MICAL3: variants seen among roughly 807,000 people sequenced by gnomAD.
MICAL3 encodes the protein [F-actin]-monooxygenase MICAL3.
MICAL3 carries 62 observed loss-of-function variants against 207.4 expected under a neutral mutation model. The observed-to-expected ratio is 0.30, with a 90% CI of 0.24 to 0.37. MICAL3 has a LOEUF of 0.37. Among genes scored for constraint, MICAL3 ranks in the 10% least tolerant of loss-of-function variants. The pLI, the probability that MICAL3 is intolerant of heterozygous loss-of-function variation, is 1.00. For missense variants in MICAL3, 2,368 were observed against 2,635.6 expected, an observed-to-expected ratio of 0.90 and a Z score of 2.22; for synonymous variants, 1,077 against 1,069.3, an observed-to-expected ratio of 1.01 and a Z score of -0.14.
chr22:17,862,624 A>T (rs868105066), intron 19 of MICAL3: 2 of 985,284 alleles, frequency 2.0e-6, no homozygotes, highest in African/African-American at 3.5e-5. Context: ...CTTCAGTTTC[A>T]TATTTAAAGA....
chr22:17,938,834 A>G (rs555196846), intron 1 of MICAL3, among the ~76,000 whole-genome samples: 24 of 151,560 alleles, frequency 1.6e-4, no homozygotes, highest in South Asian at 4.2e-4. Flanking sequence ...GTGAAGGTGA[A>G]GCACACATCT....
chr22:17,950,896 C>A (rs1036005749), intron 1 of MICAL3, among the ~76,000 whole-genome samples: 2 of 152,220 alleles, frequency 1.3e-5, no homozygotes, highest in Non-Finnish European at 2.9e-5. Context: ...AGCCTCTCGC[C>A]AAAGAATGCT....
intron 16 of MICAL3, chr22:17,879,347 C>G: frequency 1.9e-6 from 3 of 1,609,430 alleles, no homozygotes; most frequent in Non-Finnish European, 2.5e-6. Context: ...CTCTTTTACC[C>G]TCTCATGGTG....
rs1928758132 is a variant in MICAL3 at position 17,877,279 on chromosome 22, G to GGGAGGTTATGGAGGTTAGGGAGGTTAT, written c.2242-5283_2242-5257dup. ...GAGGTTAGGGAAGTTATGGAGGTTA[G>GGGAGGTTATGGAGGTTAGGGAGGTTAT]GGAGGTTATGGAGGTTAGGGAGGTT... On this transcript the variant is annotated intron_variant, in intron 16 of 31. Coordinates refer to ENST00000441493, the MANE Select transcript of MICAL3 (RefSeq NM_015241.3). Among the ~76,000 whole-genome samples, 2 of 65,334 alleles carry GGGAGGTTATGGAGGTTAGGGAGGTTAT rather than the reference G, an allele frequency of 3.1e-5. 1 individual carries two copies. The highest frequency in any genetic ancestry group is 5.7e-5 in the Non-Finnish European group (2 of 35,196). The allele number at this position is 65,334 out of a possible 152,430, so 42.9% of individuals were successfully genotyped here.
At chr22:17,931,629 T>A (rs1427564483) in intron 1 of MICAL3, among the ~76,000 whole-genome samples, 1 of 152,194 alleles carries the variant, frequency 6.6e-6, no homozygotes, top group Non-Finnish European at 1.5e-5. Flanking sequence ...GAATTCAATG[T>A]GCACCCTGAA....
chr22:17,866,789 C>T (rs1435631039), intron 17 of MICAL3, among the ~76,000 whole-genome samples: 1 of 152,286 alleles, frequency 6.6e-6, no homozygotes, highest in East Asian at 1.9e-4. Flanking sequence ...TGGGGGGTGT[C>T]GTCAGAAAAA....
intron 1 of MICAL3, among the ~76,000 whole-genome samples, chr22:17,945,280 C>T (rs531237898): frequency 2.6e-5 from 4 of 152,244 alleles, no homozygotes; most frequent in African/African-American, 4.8e-5. Flanking sequence ...GACTGCCAGC[C>T]GAGGGCCTGC....
In MICAL3 at chr22:17,842,139, C is replaced by CA. The variant is rs1602028853; in HGVS notation, c.2606-123dup. The CA allele has an allele frequency of 4.2e-6, 4 of 950,568 alleles. No homozygotes were observed. The East Asian group carries it at 7.9e-5, about 19-fold the overall frequency. The allele number at this position is 950,568 out of a possible 1,614,324, so 58.9% of individuals were successfully genotyped here. Reference sequence around the variant, plus strand: ...ATGTGGGGCAGGACAAAGGTCAGAGCATTTGCAGAGTTGCCAGAGGCCAGA... The same window carrying CA: ...ATGTGGGGCAGGACAAAGGTCAGAGCAATTTGCAGAGTTGCCAGAGGCCAGA... On this transcript the variant is annotated intron_variant, in intron 19 of 31. Coordinates refer to ENST00000441493, the MANE Select transcript of MICAL3 (RefSeq NM_015241.3).
Position 17,823,055 on chromosome 22 carries a change from A to T in MICAL3, c.3199T>A (p.Leu1067Met). The change falls in exon 23 of 32, where the codon TTG becomes ATG. Residue 1067 changes from leucine to methionine, a missense_variant. By Grantham distance (15) the Leu-to-Met change is conservative. This residue lies in a region of MICAL3 where 1,770 missense variants were observed against 1,863.2 expected (regional missense o/e 0.95). Transcript: ENST00000441493. The part of the protein sequence containing the change: ...ASESSASGAP[L>M]DENDLEEDVD... ...TCTTCCTCTAGGTCATTCTCATCCA[A>T]TGGGGCTGCAAAGCAGAAAGGTTCA... The T allele has an allele frequency of 6.2e-7, 1 of 1,601,954 alleles. No homozygotes were observed. The highest frequency in any genetic ancestry group is 8.6e-7 in the Non-Finnish European group (1 of 1,169,108).
intron 18 of MICAL3, 119 bp from the exon 19 acceptor site, chr22:17,865,105 ATTT>A: frequency 2.9e-6 from 2 of 690,366 alleles, no homozygotes; most frequent in East Asian, 1.0e-4. Context: ...TTATTTATTT[ATTT>A]ATTTATTTAT....
chr22:17,920,574 C>A (rs1212303154), intron 1 of MICAL3, among the ~76,000 whole-genome samples: 2 of 152,216 alleles, frequency 1.3e-5, no homozygotes, highest in Non-Finnish European at 2.9e-5. Context: ...ACTCTCCACA[C>A]CGGCCTCCAG....
chr22:17,878,808 C>T (rs1929142487), intron 16 of MICAL3, among the ~76,000 whole-genome samples: 1 of 152,162 alleles, frequency 6.6e-6, no homozygotes, highest in Non-Finnish European at 1.5e-5. Flanking sequence ...AAGACTAAAG[C>T]TTTCCACGGG....
intron 1 of MICAL3, among the ~76,000 whole-genome samples, chr22:18,018,920 A>T (rs1382153151): frequency 2.0e-5 from 3 of 151,878 alleles, no homozygotes; most frequent in South Asian, 4.1e-4. Flanking sequence ...GGCCAGGCAC[A>T]GTGGCTCACG....
chr22:17,875,682 TAAA>T (rs60415785), intron 16 of MICAL3: 2,256 of 169,758 alleles, frequency 0.013, no homozygotes, highest in South Asian at 0.033. Flanking sequence ...CCATGTATAG[TAAA>T]AAAAAAAAAA....
chr22:17,812,803 C>CTT (rs1320154985), intron 27 of MICAL3: 1 of 152,332 alleles, frequency 6.6e-6, no homozygotes, highest in Non-Finnish European at 1.5e-5. Context: ...GGGGTTCACT[C>CTT]TTTTATTGGG....
rs74839823 is a variant in MICAL3, at chr22:17,848,384, G to A, written c.2606-6367C>T. 1.1e-3 allele frequency among the ~76,000 whole-genome samples: 164 copies of A among 152,338 alleles called. 2 individuals are homozygous for A. Among genetic ancestry groups the A allele is most frequent in the African/African-American group, 3.7e-3 (154 of 41,578 alleles). ...TACTGGGAAACGGGGATGACACCAC[G>A]TGAAGTGTGGCTGTTCCGAAACATT... On this transcript the variant is annotated intron_variant, in intron 19 of 31. Coordinates refer to ENST00000441493, the MANE Select transcript of MICAL3 (RefSeq NM_015241.3).
At chr22:17,819,169 G>A in intron 25 of MICAL3, 40 bp from the exon 26 acceptor site, 1 of 1,427,166 alleles carries the variant, frequency 7.0e-7, no homozygotes, top group Admixed American at 2.6e-5. Flanking sequence ...GAAGGTGTGG[G>A]CTTTCACGAC....
intron 19 of MICAL3, among the ~76,000 whole-genome samples, chr22:17,844,483 C>G (rs551962428): frequency 3.0e-4 from 45 of 152,248 alleles, no homozygotes; most frequent in African/African-American, 8.7e-4. Flanking sequence ...TTTAATGAAC[C>G]CTGGTAGTCA....
At chr22:17,862,950 G>C in intron 19 of MICAL3, 6 of 985,342 alleles carry the variant, frequency 6.1e-6, no homozygotes, top group Non-Finnish European at 7.2e-6. Context: ...GTCACCTTCT[G>C]GCTCAGAATC....
Sources: gnomAD v4.1 joint callset for allele counts (sites outside exome capture counted in the v4.1 genomes callset) on GRCh38, gnomAD v4.1.1 for gene constraint, gnomAD v4.1.1 regional missense constraint, MANE v1.5 for transcripts, NCBI Gene and HGNC (gene_info 2026-07-23, HGNC 2026-07-21) for gene names.